The following ARB2A variants were observed in gnomAD, a reference collection of about 807,000 sequenced individuals.
The protein encoded by ARB2A is cotranscriptional regulator ARB2A.
At chr5:93,826,412 T>A in the ARB2A span, among the ~76,000 whole-genome samples, 1 of 152,182 alleles carries the variant, frequency 6.6e-6, no homozygotes, top group Non-Finnish European at 1.5e-5. Context: ...TATGTCTATC[T>A]GTCCTAAATT....
the ARB2A span, among the ~76,000 whole-genome samples, chr5:94,033,211 T>G: frequency 0.017 from 2,612 of 152,304 alleles, 33 homozygotes; most frequent in Non-Finnish European, 0.024. Flanking sequence ...TGTTTCTTTA[T>G]AACAGTGTGA....
At chr5:93,841,520 G>T in the ARB2A span, among the ~76,000 whole-genome samples, 1 of 152,106 alleles carries the variant, frequency 6.6e-6, no homozygotes, top group South Asian at 2.1e-4. Context: ...AGGAGGGGCT[G>T]TCCTGAAACC....
the ARB2A span, among the ~76,000 whole-genome samples, chr5:93,676,167 A>C: frequency 8.5e-5 from 13 of 152,312 alleles, no homozygotes; most frequent in African/African-American, 3.1e-4. Flanking sequence ...TGAATGGAGA[A>C]GGGGGTCAAG....
the ARB2A span, among the ~76,000 whole-genome samples, chr5:94,099,624 CAAAAAAAAAAAAAA>C: frequency 1.5e-4 from 2 of 13,648 alleles, no homozygotes; most frequent in Non-Finnish European, 3.7e-4. Flanking sequence ...GACTCCGTCT[CAAAAAAAAAAAAAA>C]AAAAAAAAAA....
the ARB2A span, among the ~76,000 whole-genome samples, chr5:93,709,023 C>A: frequency 2.3e-4 from 35 of 151,414 alleles, no homozygotes; most frequent in African/African-American, 8.5e-4. Context: ...AGTGTTCTTA[C>A]CACCCACCCC....
At chr5:93,748,496 A>C in the ARB2A span, among the ~76,000 whole-genome samples, 1 of 152,106 alleles carries the variant, frequency 6.6e-6, no homozygotes, top group African/African-American at 2.4e-5. Context: ...GAAAGAAATG[A>C]CAAAGTTTTT....
chr5:93,689,913 G>A, the ARB2A span, among the ~76,000 whole-genome samples: 8 of 152,220 alleles, frequency 5.3e-5, no homozygotes, highest in Non-Finnish European at 5.9e-5. Context: ...AGGGTGAGCC[G>A]AAGTCAGGTG....
chr5:94,069,349 G>A, the ARB2A span, among the ~76,000 whole-genome samples: 9 of 152,252 alleles, frequency 5.9e-5, no homozygotes, highest in South Asian at 1.7e-3. Context: ...ATGAAACACA[G>A]GGGAAACATT....
the ARB2A span, chr5:93,861,129 T>A: frequency 6.6e-6 from 1 of 152,146 alleles, no homozygotes; most frequent in Non-Finnish European, 1.5e-5. Flanking sequence ...AGTATTTCTT[T>A]TTTTGTAAAG....
chr5:94,058,081 T>C, the ARB2A span, among the ~76,000 whole-genome samples: 1 of 151,878 alleles, frequency 6.6e-6, no homozygotes, highest in Non-Finnish European at 1.5e-5. Flanking sequence ...ATTCCTTAAG[T>C]ACACACAGAG....
chr5:93,668,104 A>T, the ARB2A span, among the ~76,000 whole-genome samples: 4 of 152,180 alleles, frequency 2.6e-5, no homozygotes, highest in African/African-American at 4.8e-5. Flanking sequence ...TAAAGCTTTT[A>T]AAAAAATTAT....
chr5:94,051,821 A>T, the ARB2A span, among the ~76,000 whole-genome samples: 9 of 152,036 alleles, frequency 5.9e-5, no homozygotes, highest in African/African-American at 2.2e-4. Flanking sequence ...ATTTATTTTT[A>T]TTTATTTATT....
chr5:93,841,812 A>T, the ARB2A span, among the ~76,000 whole-genome samples: 3 of 152,168 alleles, frequency 2.0e-5, no homozygotes, highest in East Asian at 5.8e-4. Context: ...GGCCATTAAG[A>T]CAAAGGGATG....
At chr5:94,052,031 G>A in the ARB2A span, among the ~76,000 whole-genome samples, 1 of 152,028 alleles carries the variant, frequency 6.6e-6, no homozygotes, top group Non-Finnish European at 1.5e-5. Flanking sequence ...ATGCTGTCCA[G>A]GCTGGTCTTG....
the ARB2A span, among the ~76,000 whole-genome samples, chr5:94,097,190 G>C: frequency 6.6e-6 from 1 of 152,152 alleles, no homozygotes; most frequent in Non-Finnish European, 1.5e-5. Context: ...AACTTGCCTG[G>C]GGGACACAGC....
At chr5:94,024,903 G>A in the ARB2A span, among the ~76,000 whole-genome samples, 2 of 152,140 alleles carry the variant, frequency 1.3e-5, no homozygotes, top group East Asian at 3.9e-4. Flanking sequence ...TCATGCACAG[G>A]GTGAAAAGGG....
chr5:94,004,996 A>G, the ARB2A span, among the ~76,000 whole-genome samples: 1 of 101,424 alleles, frequency 9.9e-6, no homozygotes, highest in Non-Finnish European at 2.1e-5. Flanking sequence ...CCATTTTATC[A>G]GCAAAAAAAA....
chr5:93,791,577 C>T, the ARB2A span, among the ~76,000 whole-genome samples: 1 of 152,210 alleles, frequency 6.6e-6, no homozygotes, highest in Admixed American at 6.5e-5. Context: ...GTTAGGTAAA[C>T]ATGGCCAGCT....
the ARB2A span, among the ~76,000 whole-genome samples, chr5:93,761,111 C>G: frequency 1.1e-4 from 17 of 152,170 alleles, no homozygotes; most frequent in East Asian, 1.9e-3. Context: ...CAGCTCCAGT[C>G]TGCAGCTCCC....
Sources: gnomAD v4.1 joint callset for allele counts (sites outside exome capture counted in the v4.1 genomes callset) on GRCh38, gnomAD v4.1.1 for gene constraint, MANE v1.5 for transcripts, NCBI Gene and HGNC (gene_info 2026-07-23, HGNC 2026-07-21) for gene names.